PPM1H: variants seen among roughly 807,000 people sequenced by gnomAD.
The protein encoded by PPM1H is protein phosphatase 1H.
Under a neutral mutation model 54.9 loss-of-function variants are expected in PPM1H, and 27 were observed. That is an observed-to-expected ratio of 0.49 (90% confidence interval 0.36 to 0.68). The LOEUF is 0.68. Ranked by LOEUF, PPM1H falls within the 30% of genes least tolerant of loss-of-function variation. The pLI is 0.00. For synonymous variants in PPM1H, 305 were observed against 270.8 expected (o/e 1.13, Z -1.24); for missense variants, 596 against 667.8 (o/e 0.89, Z 1.19).
At chr12:62,816,698 G>A (rs1224149711) in intron 2 of PPM1H, among the ~76,000 whole-genome samples, 3 of 151,382 alleles carry the variant, frequency 2.0e-5, no homozygotes, top group African/African-American at 7.3e-5. Context: ...ATCGGCGTCT[G>A]GTACACGAGT....
chr12:62,877,668 C>T (rs1251694565), intron 1 of PPM1H, among the ~76,000 whole-genome samples: 4 of 152,100 alleles, frequency 2.6e-5, no homozygotes, highest in East Asian at 1.9e-4. Context: ...TCTCAGACCC[C>T]GGACTGCTTG....
At chr12:62,759,991 G>T (rs1008646637) in intron 4 of PPM1H, among the ~76,000 whole-genome samples, 1 of 151,914 alleles carries the variant, frequency 6.6e-6, no homozygotes, top group Non-Finnish European at 1.5e-5. Context: ...TTCACTATGG[G>T]CAACCTTCCA....
rs945922229 is a variant in PPM1H, at chr12:62,732,720, C to T, written c.954+4782G>A. ...CCGAGTAGCTGGGACTACAGGCGCC[C>T]GCCACTACGCCCGGCTAATTTTTTT... On this transcript the variant is annotated intron_variant, in intron 5 of 9. Transcript: ENST00000228705. Among the ~76,000 whole-genome samples, 13 of 151,824 alleles carry T rather than the reference C, an allele frequency of 8.6e-5. No homozygotes were observed. In the East Asian group the frequency reaches 9.7e-4, roughly 11 times the overall value.
chr12:62,855,412 C>G lies in PPM1H; in HGVS notation c.246-23133G>C, dbSNP rs1451906560. Among the ~76,000 whole-genome samples the G allele has an allele frequency of 6.6e-5, 10 of 152,150 alleles. No homozygotes were observed. The South Asian group carries it at 1.0e-3, about 16-fold the overall frequency. On this transcript the variant is annotated intron_variant, in intron 1 of 9. Transcript: ENST00000228705. The stretch of plus-strand genomic sequence containing the variant: ...ACTATACTTCAGACACACGCAGAAC[C>G]CAGAGAGGATTATCTCTGAGGCAAT...
intron 8 of PPM1H, among the ~76,000 whole-genome samples, chr12:62,676,279 G>A (rs2075985570): frequency 6.6e-6 from 1 of 152,236 alleles, no homozygotes; most frequent in Admixed American, 6.5e-5. Context: ...CTGCAGCACA[G>A]TGAAGAACAG....
At chr12:62,657,284 T>C (rs11174583) in intron 9 of PPM1H, among the ~76,000 whole-genome samples, 19,120 of 152,114 alleles carry the variant, frequency 0.13, 1,518 homozygotes, top group Middle Eastern at 0.22. Context: ...TAGTTCAAAT[T>C]CCAAACAGTA....
In PPM1H at chr12:62,783,850, C is replaced by T. The variant is rs116379766; in HGVS notation, c.869+4376G>A. ...AAACCTTTAGACATTGTTTAAAATA[C>T]GTGGTAATGGCTTTGCTTCCTCAGT... On this transcript the variant is annotated intron_variant, in intron 4 of 9. Coordinates refer to ENST00000228705, the MANE Select transcript of PPM1H (RefSeq NM_020700.2). Among the ~76,000 whole-genome samples, 633 of 152,202 alleles carry T rather than the reference C, an allele frequency of 4.2e-3. 4 individuals are homozygous for T. Among genetic ancestry groups the T allele is most frequent in the African/African-American group, 0.015 (614 of 41,526 alleles).
chr12:62,896,554 C>T (rs1870995497), intron 1 of PPM1H, among the ~76,000 whole-genome samples: 1 of 152,170 alleles, frequency 6.6e-6, no homozygotes, highest in Non-Finnish European at 1.5e-5. Context: ...AGTGAGGTAC[C>T]ATCTCACACC....
chr12:62,788,435 G>T, intron 3 of PPM1H, 97 bp from the exon 4 acceptor site: 1 of 741,472 alleles, frequency 1.3e-6, no homozygotes, highest in Non-Finnish European at 2.2e-6. Context: ...CTCTGAATGT[G>T]CTTCAAGAAG....
chr12:62,678,017 A>C (rs1353315872), intron 8 of PPM1H, among the ~76,000 whole-genome samples: 2 of 151,576 alleles, frequency 1.3e-5, no homozygotes, highest in African/African-American at 4.9e-5. Flanking sequence ...GCAATTTCTC[A>C]CCACAGCCTT....
chr12:62,866,638 C>A (rs1379485634), intron 1 of PPM1H, among the ~76,000 whole-genome samples: 1 of 152,158 alleles, frequency 6.6e-6, no homozygotes, highest in African/African-American at 2.4e-5. Flanking sequence ...CAGCACCAGT[C>A]AAATCTTCAG....
At chr12:62,715,282 G>A (rs1330888062) in intron 6 of PPM1H, among the ~76,000 whole-genome samples, 7 of 152,126 alleles carry the variant, frequency 4.6e-5, no homozygotes, top group African/African-American at 1.4e-4. Context: ...CCCAGCTTGG[G>A]GATTCTGGCA....
rs1868866640 is a variant in PPM1H, at chr12:62,844,176, C to A, written c.246-11897G>T. Reference sequence around the variant, plus strand: ...ACAGCCACCTGGGCAGCACACACTCCAAATGGATGGGGTTGGTGTTCCAAA... The same window carrying A: ...ACAGCCACCTGGGCAGCACACACTCAAAATGGATGGGGTTGGTGTTCCAAA... On this transcript the variant is annotated intron_variant, in intron 1 of 9. Coordinates refer to ENST00000228705, the MANE Select transcript of PPM1H (RefSeq NM_020700.2). The surrounding 1 kb of genome is among the most constrained non-coding windows in gnomAD (Gnocchi z 5.2). Among the ~76,000 whole-genome samples, 1 of 152,158 alleles carries A rather than the reference C, an allele frequency of 6.6e-6. No individual in the cohort carries two copies. Among genetic ancestry groups the A allele is most frequent in the African/African-American group, 2.4e-5 (1 of 41,434 alleles).
At chr12:62,669,474 G>A (rs536464496) in intron 8 of PPM1H, among the ~76,000 whole-genome samples, 2 of 152,244 alleles carry the variant, frequency 1.3e-5, no homozygotes, top group Admixed American at 6.5e-5. Flanking sequence ...TTCACAGACC[G>A]GGCCCCGAGT....
chr12:62,883,166 C>T (rs137969562), intron 1 of PPM1H, among the ~76,000 whole-genome samples: 1 of 152,314 alleles, frequency 6.6e-6, no homozygotes, highest in East Asian at 1.9e-4. Context: ...CTCCTCCATC[C>T]TGCTCACTTC....
chr12:62,735,481 G>A (rs1390204422), intron 5 of PPM1H, among the ~76,000 whole-genome samples: 3 of 152,158 alleles, frequency 2.0e-5, no homozygotes, highest in African/African-American at 7.2e-5. Context: ...GCCTTCCAAA[G>A]TGCTGGGATT....
chr12:62,867,564 ATTTTTTTT>A (rs34772338), intron 1 of PPM1H, among the ~76,000 whole-genome samples: 41 of 55,366 alleles, frequency 7.4e-4, no homozygotes, highest in Non-Finnish European at 9.6e-4. Flanking sequence ...TATGAGCACT[ATTTTTTTT>A]TTTTTTTTTT....
chr12:62,768,347 G>A (rs2076556790), intron 4 of PPM1H, among the ~76,000 whole-genome samples: 1 of 152,144 alleles, frequency 6.6e-6, no homozygotes, highest in African/African-American at 2.4e-5. Context: ...TGCATGCTCT[G>A]AGGGACAATC....
At chr12:62,764,792 A>C (rs2076531528) in intron 4 of PPM1H, among the ~76,000 whole-genome samples, 1 of 152,200 alleles carries the variant, frequency 6.6e-6, no homozygotes. Flanking sequence ...AGGAGGGTAC[A>C]GTGAGGCTGA....
Sources: allele counts gnomAD v4.1 joint callset (sites outside exome capture counted in the v4.1 genomes callset), GRCh38; gene constraint gnomAD v4.1.1; non-coding constraint Gnocchi (gnomAD v3.1); transcripts MANE v1.5; gene names NCBI Gene and HGNC (gene_info 2026-07-23, HGNC 2026-07-21).